VDAC1: variants seen among roughly 807,000 people sequenced by gnomAD.
The protein encoded by VDAC1 is non-selective voltage-gated ion channel VDAC1.
In VDAC1, 10 loss-of-function variants were observed where a neutral mutation model predicts 34.7. The observed-to-expected ratio is 0.29, with a 90% CI of 0.18 to 0.49. The LOEUF (loss-of-function observed/expected upper bound fraction) is 0.49, where lower values mean the gene tolerates loss of function less well. Among genes scored for constraint, VDAC1 ranks in the 20% least tolerant of loss-of-function variants. The pLI is 0.99. For synonymous variants in VDAC1, 130 were observed against 136.0 expected (o/e 0.96, Z 0.30); for missense variants, 230 against 347.9 (o/e 0.66, Z 2.69).
the VDAC1 span, among the ~76,000 whole-genome samples, chr5:134,081,567 C>T: frequency 6.6e-5 from 10 of 152,122 alleles, no homozygotes; most frequent in Non-Finnish European, 1.5e-4. Flanking sequence ...TGTATTTGAC[C>T]TGCTATACAA....
At chr5:133,972,934 C>G in intron 8 of VDAC1, 72 bp from the exon 9 acceptor site, 1 of 1,297,752 alleles carries the variant, frequency 7.7e-7, no homozygotes, top group Non-Finnish European at 1.1e-6. Context: ...AGATTAACAC[C>G]AAATTCAGAA....
chr5:133,978,664 C>T (rs1752572482), intron 6 of VDAC1, among the ~76,000 whole-genome samples: 1 of 152,146 alleles, frequency 6.6e-6, no homozygotes, highest in Admixed American at 6.5e-5. Context: ...CCAGACTTTT[C>T]AGAATATCCT....
At chr5:134,027,736 G>A in the VDAC1 span, among the ~76,000 whole-genome samples, 3 of 148,724 alleles carry the variant, frequency 2.0e-5, no homozygotes, top group Admixed American at 2.0e-4. Context: ...GTTATTTTTG[G>A]TATAATAAAT....
intron 5 of VDAC1, among the ~76,000 whole-genome samples, chr5:133,985,423 G>A (rs1246851314): frequency 6.6e-6 from 1 of 152,150 alleles, no homozygotes; most frequent in Non-Finnish European, 1.5e-5. Flanking sequence ...GCACTCCAAG[G>A]AGGGCAGATC....
the VDAC1 span, among the ~76,000 whole-genome samples, chr5:134,096,764 T>G: frequency 6.6e-6 from 1 of 152,268 alleles, no homozygotes; most frequent in East Asian, 1.9e-4. Flanking sequence ...TGGCTAATTT[T>G]TGTATTTTAT....
chr5:133,972,632 C>T lies in VDAC1; in HGVS notation c.*139G>A. 1.4e-6 allele frequency: 1 copy of T among 717,422 alleles called. No individual in the cohort carries two copies. Among genetic ancestry groups the T allele is most frequent in the East Asian group, 2.8e-5 (1 of 35,708 alleles). 44.4% of individuals were successfully genotyped at this position (717,422 alleles called of 1,614,324 possible). A position where few individuals can be genotyped will look rare whatever the true frequency, so the allele number is the denominator to read the frequency against. On this transcript the variant is annotated 3_prime_UTR_variant, in exon 9 of 9. Transcript: ENST00000265333. The stretch of plus-strand genomic sequence containing the variant: ...CCTCTGGAAGGGTAACATCTTAAAG[C>T]TGAATCAACTTTAACCTGGAGGGCT...
the VDAC1 span, among the ~76,000 whole-genome samples, chr5:134,097,986 C>G: frequency 6.6e-6 from 1 of 152,052 alleles, no homozygotes; most frequent in Non-Finnish European, 1.5e-5. Context: ...TCTCCAGCCG[C>G]AACTTCCCGA....
At chr5:134,063,147 CAAGTT>C in the VDAC1 span, among the ~76,000 whole-genome samples, 5 of 152,132 alleles carry the variant, frequency 3.3e-5, no homozygotes, top group African/African-American at 4.8e-5. Flanking sequence ...AGTTTCCCCT[CAAGTT>C]AATATATGAA....
At chr5:134,098,483 C>G in the VDAC1 span, among the ~76,000 whole-genome samples, 179 of 152,328 alleles carry the variant, frequency 1.2e-3, no homozygotes, top group African/African-American at 4.1e-3. Context: ...CCTCAGCCTC[C>G]CAAAGTGCTG....
At chr5:134,087,925 A>G in the VDAC1 span, among the ~76,000 whole-genome samples, 111,580 of 150,824 alleles carry the variant, frequency 0.74, 42,673 homozygotes, top group Non-Finnish European at 0.86. Context: ...CAAGGCGGGC[A>G]GGTCACCTGA....
At chr5:134,008,497 G>T (rs1299634655), upstream of VDAC1, among the ~76,000 whole-genome samples, 1 of 152,178 alleles carries the variant, frequency 6.6e-6, no homozygotes, top group Non-Finnish European at 1.5e-5. Flanking sequence ...TCATTTTAGG[G>T]AGTTTTTGGT....
the VDAC1 span, among the ~76,000 whole-genome samples, chr5:134,016,925 C>G: frequency 6.6e-6 from 1 of 152,204 alleles, no homozygotes; most frequent in South Asian, 2.1e-4. Context: ...CAGACTATGT[C>G]AGCCACAAGG....
chr5:134,107,032 G>A, the VDAC1 span, among the ~76,000 whole-genome samples: 1 of 152,170 alleles, frequency 6.6e-6, no homozygotes, highest in African/African-American at 2.4e-5. Flanking sequence ...GATGTTGTTG[G>A]TATGAGGCCC....
In VDAC1 at chr5:133,972,392, T is replaced by C. The variant is rs995147688; in HGVS notation, c.*379A>G. ...TACACACCATCAAGCAGCGAGCCTC[T>C]CATCAATTAGGGTTAGGGAACCAAG... On this transcript the variant is annotated 3_prime_UTR_variant, in exon 9 of 9. Coordinates refer to ENST00000265333, the MANE Select transcript of VDAC1 (RefSeq NM_003374.3). The C allele has an allele frequency of 4.9e-6, 2 of 408,378 alleles. No individual in the cohort carries two copies. Among genetic ancestry groups the C allele is most frequent in the African/African-American group, 4.1e-5 (2 of 48,576 alleles). 25.3% of individuals were successfully genotyped at this position (408,378 alleles called of 1,614,324 possible).
the VDAC1 span, among the ~76,000 whole-genome samples, chr5:134,050,005 C>T: frequency 2.0e-5 from 3 of 152,108 alleles, no homozygotes; most frequent in Non-Finnish European, 4.4e-5. Context: ...AACCCCAGCA[C>T]TTTGGGAGGC....
intron 3 of VDAC1, among the ~76,000 whole-genome samples, 177 bp downstream of exon 3, chr5:133,992,129 G>A (rs936143182): frequency 1.3e-5 from 2 of 152,168 alleles, no homozygotes; most frequent in African/African-American, 4.8e-5. Flanking sequence ...CCAGCTACTC[G>A]GTAGGCTGAG....
chr5:134,067,428 T>TTA, the VDAC1 span, among the ~76,000 whole-genome samples: 1 of 96,826 alleles, frequency 1.0e-5, no homozygotes, highest in Non-Finnish European at 2.0e-5. Context: ...TTACATATTC[T>TTA]AAAAAAAAAA....
At chr5:134,034,405 C>A in the VDAC1 span, among the ~76,000 whole-genome samples, 1 of 152,154 alleles carries the variant, frequency 6.6e-6, no homozygotes, top group East Asian at 1.9e-4. Context: ...GAGGGTGGGC[C>A]CCTAGCTCCA....
chr5:134,073,195 AG>A, the VDAC1 span, among the ~76,000 whole-genome samples: 1 of 152,172 alleles, frequency 6.6e-6, no homozygotes, highest in Non-Finnish European at 1.5e-5. Flanking sequence ...ACCTCTTAGT[AG>A]AGGGAGGGGC....
Sources: gnomAD v4.1 joint callset for allele counts (sites outside exome capture counted in the v4.1 genomes callset) on GRCh38, gnomAD v4.1.1 for gene constraint, MANE v1.5 for transcripts, NCBI Gene and HGNC (gene_info 2026-07-23, HGNC 2026-07-21) for gene names.